Variants in ZNF264 observed in about 807,000 individuals in gnomAD.
ZNF264 encodes the protein zinc finger protein 264.
A neutral mutation model predicts 11.2 loss-of-function variants in ZNF264; 11 were observed. The observed-to-expected ratio is 0.98, with a 90% CI of 0.62 to 1.63. The LOEUF is 1.63. Among genes scored for constraint, ZNF264 ranks in the 40% most tolerant of loss-of-function variants. The pLI is 0.00. For synonymous variants in ZNF264, 309 were observed against 279.8 expected, an observed-to-expected ratio of 1.10 and a Z score of -1.04; for missense variants, 752 against 768.1, an observed-to-expected ratio of 0.98 and a Z score of 0.25.
Position 57,215,185 on chromosome 19 carries a change from T to G in ZNF264, c.*2204T>G, listed in dbSNP as rs1468270359. 1 of 152,220 alleles carries G rather than the reference T, an allele frequency of 6.6e-6. No homozygotes were observed. Among genetic ancestry groups the G allele is most frequent in the African/African-American group, 2.4e-5 (1 of 41,458 alleles). 9.4% of individuals were successfully genotyped at this position (152,220 alleles called of 1,614,324 possible). ...TGTTTGATGACCTCTAGTCAACCAT[T>G]GGGCCAGAGATTTTTCTTCTGGAGG... On this transcript the variant is annotated 3_prime_UTR_variant, in exon 4 of 4. Transcript: ENST00000263095.
chr19:57,210,273 A>G (rs964122087), intron 3 of ZNF264, among the ~76,000 whole-genome samples: 4 of 152,130 alleles, frequency 2.6e-5, no homozygotes, highest in African/African-American at 4.8e-5. Flanking sequence ...CTTCCTACCC[A>G]GGATTAGCCA....
chr19:57,193,394 C>T (rs547916431), intron 1 of ZNF264: 1 of 545,786 alleles, frequency 1.8e-6, no homozygotes, highest in East Asian at 1.5e-4. Context: ...AATCAAGGCT[C>T]AGAGAAATGA....
intron 2 of ZNF264, among the ~76,000 whole-genome samples, chr19:57,202,458 T>G (rs1264516722): frequency 2.6e-5 from 4 of 151,836 alleles, no homozygotes; most frequent in Admixed American, 6.6e-5. Flanking sequence ...ATAGCCCTTT[T>G]GTTAAAATGC....
intron 2 of ZNF264, among the ~76,000 whole-genome samples, chr19:57,201,096 A>ATT (rs1432882189): frequency 2.0e-5 from 3 of 151,894 alleles, no homozygotes; most frequent in African/African-American, 7.3e-5. Flanking sequence ...ATGTGAAGAT[A>ATT]TTTATATATA....
chr19:57,199,950 T>A (rs750574882), intron 2 of ZNF264, among the ~76,000 whole-genome samples: 17 of 151,342 alleles, frequency 1.1e-4, no homozygotes, highest in Non-Finnish European at 2.1e-4. Context: ...GTTGCCACTA[T>A]TGGGGATGCC....
chr19:57,209,979 C>A (rs1286025616), intron 3 of ZNF264, among the ~76,000 whole-genome samples: 1 of 152,062 alleles, frequency 6.6e-6, no homozygotes, highest in Non-Finnish European at 1.5e-5. Flanking sequence ...CTCAGGCATA[C>A]AAGACTCATT....
chr19:57,200,084 A>G (rs532000269), intron 2 of ZNF264, among the ~76,000 whole-genome samples: 7 of 151,956 alleles, frequency 4.6e-5, no homozygotes, highest in African/African-American at 1.7e-4. Context: ...CAAATCTGCT[A>G]AGATTGCCCT....
chr19:57,208,410 G>A (rs934665953), intron 3 of ZNF264, among the ~76,000 whole-genome samples: 1 of 151,926 alleles, frequency 6.6e-6, no homozygotes, highest in African/African-American at 2.4e-5. Flanking sequence ...TGGGCATGGT[G>A]GCTCATGCCT....
rs1308135799 is a variant in ZNF264, at chr19:57,208,458, C to T, written c.257-2896C>T. 2.6e-5 allele frequency among the ~76,000 whole-genome samples: 4 copies of T among 152,036 alleles called. No individual in the cohort carries two copies. The East Asian group carries it at 5.8e-4, about 22-fold the overall frequency. On this transcript the variant is annotated intron_variant, in intron 3 of 3. Coordinates refer to ENST00000263095, the MANE Select transcript of ZNF264 (RefSeq NM_003417.5). ...ATTCAGGAGGCTGAGGTGGGAGGAT[C>T]TCTTGAGCCCAGGAGGTCGAGGCTG...
chr19:57,199,802 G>C (rs1028137908), intron 2 of ZNF264, among the ~76,000 whole-genome samples: 2 of 151,794 alleles, frequency 1.3e-5, no homozygotes, highest in African/African-American at 2.4e-5. Context: ...AGGTGTTGAG[G>C]GTGCTAGAGG....
At chr19:57,199,559 C>T (rs2087236196) in intron 2 of ZNF264, among the ~76,000 whole-genome samples, 2 of 151,922 alleles carry the variant, frequency 1.3e-5, no homozygotes, top group South Asian at 2.1e-4. Flanking sequence ...ACATTAAATG[C>T]AGGATCCCTA....
At chr19:57,192,694 G>A (rs896985837) in intron 1 of ZNF264, 12 of 416,272 alleles carry the variant, frequency 2.9e-5, no homozygotes, top group African/African-American at 2.4e-4. Flanking sequence ...GCTCTGTGGG[G>A]TCAGTGAGGA....
intron 2 of ZNF264, among the ~76,000 whole-genome samples, chr19:57,196,550 A>G (rs2087212984): frequency 1.3e-5 from 2 of 151,870 alleles, no homozygotes; most frequent in African/African-American, 2.4e-5. Flanking sequence ...GTGGAAGTCC[A>G]TGTTGCTGAG....
chr19:57,211,964 C>A lies in ZNF264; in HGVS notation c.867C>A (p.Cys289Ter). The change falls in exon 4 of 4, where the codon TGC (cysteine) becomes TGA (stop). Residue 289 changes from cysteine to a stop codon, truncating the protein, a stop_gained. Coordinates refer to ENST00000263095, the MANE Select transcript of ZNF264 (RefSeq NM_003417.5). LOFTEE classifies it low-confidence loss of function (END_TRUNC). Reference protein sequence around the residue: ...RIHSGEKPYKCNECGKAFTHR... With the variant: ...RIHSGEKPYK ...ACAGTGGAGAGAAGCCTTACAAGTGCAATGAATGCGGAAAGGCCTTCACCC... is the reference window on the plus strand; with the variant it reads ...ACAGTGGAGAGAAGCCTTACAAGTGAAATGAATGCGGAAAGGCCTTCACCC... The A allele has an allele frequency of 6.2e-7, 1 of 1,614,054 alleles. No homozygotes were observed. Among genetic ancestry groups the A allele is most frequent in the Non-Finnish European group, 8.5e-7 (1 of 1,180,008 alleles).
At chr19:57,202,910 G>A (rs985779064) in intron 2 of ZNF264, among the ~76,000 whole-genome samples, 10 of 149,408 alleles carry the variant, frequency 6.7e-5, no homozygotes, top group Non-Finnish European at 1.2e-4. Context: ...CAGTCTTGTG[G>A]ACTCAGCCCT....
intron 1 of ZNF264, chr19:57,192,513 A>C: frequency 1.0e-6 from 1 of 985,378 alleles, no homozygotes; most frequent in Non-Finnish European, 1.2e-6. Flanking sequence ...GCCCCAAAGT[A>C]TCCTGGCGTC....
At chr19:57,192,078 T>C in intron 1 of ZNF264, 132 bp downstream of exon 1, 3 of 912,668 alleles carry the variant, frequency 3.3e-6, no homozygotes, top group Non-Finnish European at 4.5e-6. Context: ...TGGAGCTGGT[T>C]TGCCACTTAA....
intron 2 of ZNF264, among the ~76,000 whole-genome samples, chr19:57,196,880 G>A (rs915890163): frequency 1.3e-5 from 2 of 151,882 alleles, no homozygotes; most frequent in African/African-American, 4.9e-5. Context: ...CCATGAATCA[G>A]TATATAATTA....
At chr19:57,210,348 G>A (rs4141255) in intron 3 of ZNF264, among the ~76,000 whole-genome samples, 101,106 of 152,068 alleles carry the variant, frequency 0.66, 34,854 homozygotes, top group African/African-American at 0.83. Context: ...ACGGACTACA[G>A]GTTTGGGTCC....
Sources: gnomAD v4.1 joint callset for allele counts (sites outside exome capture counted in the v4.1 genomes callset) on GRCh38, gnomAD v4.1.1 for gene constraint, MANE v1.5 for transcripts, NCBI Gene and HGNC (gene_info 2026-07-23, HGNC 2026-07-21) for gene names.